PIWIL2: variants seen among roughly 807,000 people sequenced by gnomAD.
PIWIL2 encodes the protein piwi like RNA-mediated gene silencing 2.
Under a neutral mutation model 116.5 loss-of-function variants are expected in PIWIL2, and 81 were observed. The observed-to-expected ratio is 0.70, with a 90% confidence interval of 0.58 to 0.84. The LOEUF (loss-of-function observed/expected upper bound fraction) is 0.84, where lower values mean the gene tolerates loss of function less well. PIWIL2 is among the 40% of genes least tolerant of loss of function. The probability of loss-of-function intolerance (pLI) is 0.00; values close to 1 mark genes in which losing one functional copy is unlikely to be tolerated. For missense variants in PIWIL2, 1,272 were observed against 1,212.3 expected, an observed-to-expected ratio of 1.05 and a Z score of -0.73; for synonymous variants, 489 against 429.5, an observed-to-expected ratio of 1.14 and a Z score of -1.71.
rs539834334 is a variant in PIWIL2 at position 22,304,876 on chromosome 8, G to A, written c.1455+8G>A. ...CAGGATAATCATGGGATGGTGAGTA[G>A]GGCTGTCAGGCTTACAATTCCAGCT... On this transcript the variant is annotated splice_region_variant and intron_variant, in intron 12 of 22. Coordinates refer to ENST00000356766, the MANE Select transcript of PIWIL2 (RefSeq NM_018068.5). 9 of 1,562,316 alleles carry A rather than the reference G, an allele frequency of 5.8e-6. No individual in the cohort carries two copies. The South Asian group carries it at 8.9e-5, about 15-fold the overall frequency.
intron 20 of PIWIL2, among the ~76,000 whole-genome samples, chr8:22,320,967 C>T (rs1408236497): frequency 2.0e-5 from 3 of 152,204 alleles, no homozygotes; most frequent in African/African-American, 7.2e-5. Context: ...ATCTCTTACA[C>T]TACTAAGCTG....
intron 10 of PIWIL2, among the ~76,000 whole-genome samples, chr8:22,291,979 G>A (rs1830778331): frequency 6.6e-6 from 1 of 152,196 alleles, no homozygotes; most frequent in Admixed American, 6.5e-5. Flanking sequence ...GCAGTTTTAA[G>A]TGGAGTGGTC....
chr8:22,324,800 AT>A (rs1473938024), intron 20 of PIWIL2, among the ~76,000 whole-genome samples: 2 of 147,774 alleles, frequency 1.4e-5, no homozygotes, highest in Non-Finnish European at 2.9e-5. Flanking sequence ...AAGAGAGGAA[AT>A]TTAGACACAG....
chr8:22,350,471 T>C (rs546865972), intron 20 of PIWIL2, among the ~76,000 whole-genome samples: 48 of 151,856 alleles, frequency 3.2e-4, no homozygotes, highest in African/African-American at 1.1e-3. Context: ...TGACACAAAC[T>C]TGTAGTCCCA....
intron 14 of PIWIL2, 25 bp from the exon 15 acceptor site, chr8:22,309,936 C>CAT: frequency 7.2e-7 from 1 of 1,382,882 alleles, no homozygotes; most frequent in Non-Finnish European, 1.0e-6. Context: ...AGGCTCATGT[C>CAT]ATAGATGGTT....
intron 1 of PIWIL2, chr8:22,275,756 G>C (rs1313932098): frequency 6.6e-6 from 1 of 152,416 alleles, no homozygotes; most frequent in African/African-American, 2.4e-5. Context: ...CGGGGGCCTT[G>C]CTTCTGGTTA....
chr8:22,314,133 C>G (rs1034736021), intron 16 of PIWIL2, among the ~76,000 whole-genome samples, 195 bp from the exon 17 acceptor site: 1 of 152,160 alleles, frequency 6.6e-6, no homozygotes, highest in African/African-American at 2.4e-5. Context: ...CTATACAGAA[C>G]AGCCCTGAGC....
At chr8:22,318,413 G>C in intron 20 of PIWIL2, 138 bp downstream of exon 20, 1 of 557,420 alleles carries the variant, frequency 1.8e-6, no homozygotes, top group South Asian at 2.3e-5. Flanking sequence ...TGCCTCCTGG[G>C]TTCAAGCGGT....
At chr8:22,289,810 C>T in intron 8 of PIWIL2, 37 bp from the exon 9 acceptor site, 1 of 1,216,216 alleles carries the variant, frequency 8.2e-7, no homozygotes, top group Non-Finnish European at 1.2e-6. Flanking sequence ...TTTTATTACT[C>T]TTCTATTAGA....
At chr8:22,342,517 G>A (rs1022415358) in intron 20 of PIWIL2, among the ~76,000 whole-genome samples, 7 of 152,182 alleles carry the variant, frequency 4.6e-5, no homozygotes, top group Admixed American at 4.6e-4. Context: ...ACAAAGGCAA[G>A]TCAGTGGAAA....
At position 22,282,271 on chromosome 8, in the gene PIWIL2, T is replaced by TG. The variant is rs1830526310; in HGVS notation, c.425+758dup. 1.9e-4 allele frequency among the ~76,000 whole-genome samples: 16 copies of TG among 85,804 alleles called. No individual in the cohort carries two copies. In the South Asian group the frequency reaches 7.7e-3, roughly 41 times the overall value. The allele number at this position is 85,804 out of a possible 152,430, so 56.3% of individuals were successfully genotyped here. On this transcript the variant is annotated intron_variant, in intron 4 of 22. Coordinates refer to ENST00000356766, the MANE Select transcript of PIWIL2 (RefSeq NM_018068.5). ...TTTTTTTTTTTTTTTTTTTTTTTTT[T>TG]GGAGACAGTCTCACTCTGTCACCAG...
At chr8:22,312,123 G>A (rs1193184496) in intron 16 of PIWIL2, among the ~76,000 whole-genome samples, 1 of 152,010 alleles carries the variant, frequency 6.6e-6, no homozygotes, top group Non-Finnish European at 1.5e-5. Context: ...CATTAGCTGG[G>A]TGTGGTGGCA....
At chr8:22,325,671 A>G (rs1343163327) in intron 20 of PIWIL2, among the ~76,000 whole-genome samples, 1 of 151,728 alleles carries the variant, frequency 6.6e-6, no homozygotes, top group East Asian at 1.9e-4. Context: ...TTTAGTAGAG[A>G]TGGGATTTCA....
intron 20 of PIWIL2, among the ~76,000 whole-genome samples, chr8:22,320,171 C>T (rs1025974519): frequency 4.6e-5 from 7 of 151,702 alleles, no homozygotes; most frequent in African/African-American, 1.7e-4. Flanking sequence ...GCGTCTTGGC[C>T]AGGCTGGTCT....
chr8:22,355,427 C>T lies in PIWIL2; in HGVS notation c.2844C>T (p.His948=), dbSNP rs1832467356. The T allele has an allele frequency of 1.9e-6, 3 of 1,614,156 alleles. No homozygotes were observed. The East Asian group carries it at 6.7e-5, about 36-fold the overall frequency. Residue 948 remains histidine (H), a synonymous_variant, in exon 23 of 23, where the codon CAC becomes CAT. Coordinates refer to ENST00000356766, the MANE Select transcript of PIWIL2 (RefSeq NM_018068.5). ...IRVPAPCKYA[H]KLAFLSGHIL... is the part of the protein sequence containing the mutation. ...TTCCAGCTCCTTGCAAGTATGCCCACAAGCTAGCTTTCCTGTCAGGACACA... is the reference window on the plus strand; with the variant it reads ...TTCCAGCTCCTTGCAAGTATGCCCATAAGCTAGCTTTCCTGTCAGGACACA...
intron 1 of PIWIL2, chr8:22,275,942 T>C (rs994796879): frequency 8.5e-5 from 13 of 152,256 alleles, no homozygotes; most frequent in African/African-American, 2.9e-4. Context: ...TACCTGAATC[T>C]ATAGAAGTGG....
In PIWIL2 at chr8:22,354,187, G is replaced by A; in HGVS notation, c.2658-84G>A. ...TTGAGCTCTCTGAGCTTTAGTTGAAGGAGCTAGAACGATCTCCAGGATCTT... is the reference window on the plus strand; with the variant it reads ...TTGAGCTCTCTGAGCTTTAGTTGAAAGAGCTAGAACGATCTCCAGGATCTT... On this transcript the variant is annotated intron_variant, in intron 21 of 22. Coordinates refer to ENST00000356766, the MANE Select transcript of PIWIL2 (RefSeq NM_018068.5). The A allele has an allele frequency of 4.6e-6, 4 of 872,024 alleles. No individual in the cohort carries two copies. The South Asian group carries it at 5.5e-5, about 12-fold the overall frequency. The allele number at this position is 872,024 out of a possible 1,614,324, so 54.0% of individuals were successfully genotyped here.
At chr8:22,319,690 G>T (rs1181670611) in intron 20 of PIWIL2, among the ~76,000 whole-genome samples, 1 of 152,210 alleles carries the variant, frequency 6.6e-6, no homozygotes, top group African/African-American at 2.4e-5. Context: ...GGGCCTTGTT[G>T]TATGGTCTTT....
intron 20 of PIWIL2, among the ~76,000 whole-genome samples, chr8:22,333,865 A>G (rs1831918476): frequency 6.6e-6 from 1 of 152,094 alleles, no homozygotes; most frequent in East Asian, 1.9e-4. Flanking sequence ...ATTGTAGCAT[A>G]TGAATTATAG....
Sources: gnomAD v4.1 joint callset for allele counts (sites outside exome capture counted in the v4.1 genomes callset) on GRCh38, gnomAD v4.1.1 for gene constraint, MANE v1.5 for transcripts, NCBI Gene and HGNC (gene_info 2026-07-23, HGNC 2026-07-21) for gene names.